The following NOP14 variants were observed in gnomAD, a reference collection of about 807,000 sequenced individuals.
NOP14 encodes nucleolar protein 14.
In NOP14, 57 loss-of-function variants were observed where a neutral mutation model predicts 101.6. That is an observed-to-expected ratio of 0.56 (90% CI 0.45 to 0.70). The LOEUF (loss-of-function observed/expected upper bound fraction) is 0.70. Among genes scored for constraint, NOP14 ranks in the 30% least tolerant of loss-of-function variants. The pLI, the probability that NOP14 is intolerant of heterozygous loss-of-function variation, is 0.00. For synonymous variants in NOP14, 428 were observed against 424.0 expected (o/e 1.01, Z -0.12); for missense variants, 1,134 against 1,075.5 (o/e 1.05, Z -0.76).
At chr4:2,952,920 G>A (rs1715122155) in intron 5 of NOP14, among the ~76,000 whole-genome samples, 1 of 152,262 alleles carries the variant, frequency 6.6e-6, no homozygotes, top group African/African-American at 2.4e-5. Context: ...CAGCCTGGGT[G>A]ACAGAGCGAG....
chr4:2,942,029 G>A, intron 14 of NOP14, 163 bp downstream of exon 14: 2 of 695,710 alleles, frequency 2.9e-6, no homozygotes, highest in Non-Finnish European at 4.8e-6. Flanking sequence ...AAAGAAAAAG[G>A]GACAGCAAGC....
At chr4:2,947,733 G>A (rs1391842429) in intron 9 of NOP14, 122 bp from the exon 10 acceptor site, 2 of 756,614 alleles carry the variant, frequency 2.6e-6, no homozygotes, top group African/African-American at 3.5e-5. Flanking sequence ...GGAGCCCAGG[G>A]TGACAGACAC....
intron 7 of NOP14, 84 bp from the exon 8 acceptor site, chr4:2,950,297 C>A (rs772922670): frequency 9.9e-6 from 14 of 1,409,806 alleles, no homozygotes; most frequent in Non-Finnish European, 1.4e-5. Context: ...AGAGGCTGCC[C>A]ACATCAGGGC....
At chr4:2,948,254 T>C (rs757050834) in intron 9 of NOP14, 24 bp downstream of exon 9, 1 of 1,581,516 alleles carries the variant, frequency 6.3e-7, no homozygotes. Flanking sequence ...CTCCCAGCGC[T>C]CCACACACAC....
chr4:2,939,358 C>G lies in NOP14; in HGVS notation c.2319-15G>C, dbSNP rs893027016. ...CAAACTCGAGGCTACAACCAGAAAG[C>G]CACTGTTAAGGAAGCAAGAGTCTGT... On this transcript the variant is annotated splice_polypyrimidine_tract_variant and intron_variant, in intron 16 of 17. Transcript: ENST00000416614. The G allele has an allele frequency of 1.2e-6, 2 of 1,613,912 alleles. No individual in the cohort carries two copies. The highest frequency in any genetic ancestry group is 1.7e-6 in the Non-Finnish European group (2 of 1,180,006).
chr4:2,941,903 A>G (rs1714229055), intron 14 of NOP14, 174 bp from the exon 15 acceptor site: 3 of 757,664 alleles, frequency 4.0e-6, no homozygotes, highest in Non-Finnish European at 6.3e-6. Context: ...GCTCAGGGTC[A>G]GGCCTAACGC....
In NOP14 at chr4:2,948,333, C is replaced by T; in HGVS notation, c.1358G>A (p.Arg453Lys). ...ACTCGGGTGGTTGCACTTCTGAATT[C>T]TCTCCACCACCAAAAGCTGCTCTTC... is the stretch of plus-strand genomic sequence containing the variant. ...SMEEQLLVVE[R>K]IQKCNHPSLA... The change falls in exon 9 of 18, where the codon AGA becomes AAA. Residue 453 changes from arginine (R) to lysine (K), a missense_variant. Coordinates refer to ENST00000416614, the MANE Select transcript of NOP14 (RefSeq NM_001291978.2). The T allele has an allele frequency of 6.2e-7, 1 of 1,612,010 alleles. No individual in the cohort carries two copies. Among genetic ancestry groups the T allele is most frequent in the Non-Finnish European group, 8.5e-7 (1 of 1,179,526 alleles).
intron 1 of NOP14, among the ~76,000 whole-genome samples, chr4:2,962,194 T>A (rs1716041102): frequency 6.6e-6 from 1 of 152,212 alleles, no homozygotes; most frequent in South Asian, 2.1e-4. Context: ...TATACTATCA[T>A]CTCTACTTTT....
Position 2,941,635 on chromosome 4 carries a change from G to A in NOP14, c.2146C>T (p.Gln716Ter). 6.2e-6 allele frequency: 10 copies of A among 1,613,364 alleles called. No homozygotes were observed. The highest frequency in any genetic ancestry group is 8.5e-6 in the Non-Finnish European group (10 of 1,179,904). Residue 716 changes from glutamine (Q) to a stop codon, truncating the protein, a stop_gained, in exon 15 of 18, where the codon CAA (glutamine) becomes TAA (stop). Coordinates refer to ENST00000416614, the MANE Select transcript of NOP14 (RefSeq NM_001291978.2). LOFTEE classifies it high-confidence loss of function. ...GCCAGGTGATCCGTGAGGAGGGCTT[G>A]GAGAGGCCCCATGATGGCGTGGAAG... is the stretch of plus-strand genomic sequence containing the variant. Reference protein sequence around the residue: ...PSFHAIMGPLQALLTDHLADC... With the variant: ...PSFHAIMGPL
At chr4:2,948,110 G>A (rs139298661) in intron 9 of NOP14, among the ~76,000 whole-genome samples, 168 bp downstream of exon 9, 3 of 152,356 alleles carry the variant, frequency 2.0e-5, no homozygotes, top group African/African-American at 7.2e-5. Flanking sequence ...GGCCTCTGCC[G>A]GTGCCATACC....
chr4:2,951,244 G>A lies in NOP14; in HGVS notation c.872C>T (p.Ala291Val), dbSNP rs183116717. ...TCCAAGCATTCTTCGAAGTCTCTCA[G>A]CCTGAGCAGGAAGGAATGAGATGTC... is the stretch of plus-strand genomic sequence containing the variant. ...EEQEHLRKLE[A>V]ERLRRMLGKD... is the part of the protein sequence containing the mutation. The change falls in exon 7 of 18, where the codon GCT (alanine) becomes GTT (valine). Residue 291 changes from alanine (A) to valine (V), a missense_variant and splice_region_variant. Ala to Val is a moderately conservative substitution (Grantham distance 64). Coordinates refer to ENST00000416614, the MANE Select transcript of NOP14 (RefSeq NM_001291978.2). 1.2e-5 allele frequency: 19 copies of A among 1,613,544 alleles called. No individual in the cohort carries two copies. The African/African-American group carries it at 1.3e-4, about 11-fold the overall frequency.
chr4:2,960,714 A>G (rs1487181737), intron 1 of NOP14, among the ~76,000 whole-genome samples: 3 of 136,052 alleles, frequency 2.2e-5, no homozygotes, highest in East Asian at 4.1e-4. Context: ...TTAATATATT[A>G]ATATTATAAT....
chr4:2,961,202 A>AATAATATT (rs1491386687), intron 1 of NOP14, among the ~76,000 whole-genome samples: 29,882 of 99,912 alleles, frequency 0.3, 5,282 homozygotes, highest in African/African-American at 0.36. Context: ...CTAATATTAT[A>AATAATATT]ATAATATATT....
chr4:2,953,743 C>T (rs1403591881), intron 4 of NOP14, 98 bp from the exon 5 acceptor site: 22 of 1,343,762 alleles, frequency 1.6e-5, no homozygotes, highest in Non-Finnish European at 1.7e-5. Flanking sequence ...AGTGATCACT[C>T]AGTTGGCACC....
chr4:2,950,422 T>C (rs1449887427), intron 7 of NOP14: 1 of 599,884 alleles, frequency 1.7e-6, no homozygotes, highest in Non-Finnish European at 2.9e-6. Flanking sequence ...TACAGGCTGC[T>C]AGAGAACCCT....
chr4:2,960,898 CAATATTATATT>C (rs1485105861), intron 1 of NOP14, among the ~76,000 whole-genome samples: 1 of 73,062 alleles, frequency 1.4e-5, no homozygotes, highest in Admixed American at 1.5e-4. Context: ...ATTATTATAT[CAATATTATATT>C]AATATTATAT....
Position 2,954,702 on chromosome 4 carries a change from G to A in NOP14, c.473-139C>T, listed in dbSNP as rs547778314. On this transcript the variant is annotated intron_variant, in intron 3 of 17. Coordinates refer to ENST00000416614, the MANE Select transcript of NOP14 (RefSeq NM_001291978.2). ...GAGAAAAAAATGCTCACACGCAACA[G>A]CCTGGCCTGAGACCACAGGCACAAT... 34 of 1,052,756 alleles carry A rather than the reference G, an allele frequency of 3.2e-5. No homozygotes were observed. In the Admixed American group the frequency reaches 5.5e-4, roughly 17 times the overall value. The allele number at this position is 1,052,756 out of a possible 1,614,324, so 65.2% of individuals were successfully genotyped here. A position where few individuals can be genotyped will look rare whatever the true frequency, so the allele number is the denominator to read the frequency against.
intron 9 of NOP14, 50 bp from the exon 10 acceptor site, chr4:2,947,661 CA>C: frequency 6.9e-7 from 1 of 1,448,932 alleles, no homozygotes; most frequent in Non-Finnish European, 9.7e-7. Context: ...GCACCAAGAA[CA>C]AAGCCACAGG....
chr4:2,963,112 GC>G lies in NOP14; in HGVS notation c.195+12del. 6 of 1,526,284 alleles carry G rather than the reference GC, an allele frequency of 3.9e-6. No homozygotes were observed. The highest frequency in any genetic ancestry group is 1.2e-5 in the South Asian group (1 of 81,486). The allele number at this position is 1,526,284 out of a possible 1,614,324, so 94.5% of individuals were successfully genotyped here. A position where few individuals can be genotyped will look rare whatever the true frequency, so the allele number is the denominator to read the frequency against. ...GATCCTGCCTTCCGGCTCCCCGTGC[GC>G]CCCCCGCTTACCTTCCTGAGGGCCC... On this transcript the variant is annotated intron_variant, in intron 1 of 17. Coordinates refer to ENST00000416614, the MANE Select transcript of NOP14 (RefSeq NM_001291978.2).
Sources: gnomAD v4.1 joint callset for allele counts (sites outside exome capture counted in the v4.1 genomes callset) on GRCh38, gnomAD v4.1.1 for gene constraint, MANE v1.5 for transcripts, NCBI Gene and HGNC (gene_info 2026-07-23, HGNC 2026-07-21) for gene names.